The following PIGV variants were observed in gnomAD, a reference collection of about 807,000 sequenced individuals.
PIGV encodes GPI alpha-1,6-mannosyltransferase 2.
A neutral mutation model predicts 39.2 loss-of-function variants in PIGV; 27 were observed. The observed-to-expected ratio is 0.69, with a 90% CI of 0.51 to 0.95. The LOEUF is 0.95. Ranked by LOEUF, PIGV falls within the 40% of genes least tolerant of loss-of-function variation. PIGV has a pLI of 0.00. For missense variants in PIGV, 523 were observed against 586.4 expected (o/e 0.89, Z 1.12); for synonymous variants, 232 against 241.7 (o/e 0.96, Z 0.37).
chr1:26,792,541 C>A, intron 2 of PIGV, among the ~76,000 whole-genome samples: 1 of 152,110 alleles, frequency 6.6e-6, no homozygotes, highest in East Asian at 1.9e-4. Flanking sequence ...GCTGGCCAGG[C>A]TGGTCTCGAA....
At chr1:26,794,060 ATTCTT>A (rs1459548798) in intron 2 of PIGV, 48 bp from the exon 3 acceptor site, 1 of 1,537,274 alleles carries the variant, frequency 6.5e-7, no homozygotes, top group African/African-American at 1.4e-5. Context: ...TTAAATGGCA[ATTCTT>A]TTCTTCCAGT....
upstream of PIGV, chr1:26,787,621 G>A (rs1205238034): frequency 6.6e-6 from 1 of 152,316 alleles, no homozygotes; most frequent in African/African-American, 2.4e-5. Flanking sequence ...TTTCTGTGAA[G>A]AGGCTGCGGG....
chr1:26,791,098 G>A (rs749406032), intron 2 of PIGV, among the ~76,000 whole-genome samples: 11 of 152,246 alleles, frequency 7.2e-5, no homozygotes, highest in Non-Finnish European at 1.2e-4. Context: ...AAGCAGCAGA[G>A]GCCCAGAAAG....
intron 1 of PIGV, among the ~76,000 whole-genome samples, chr1:26,789,459 G>A (rs1426985791): frequency 6.6e-6 from 1 of 152,182 alleles, no homozygotes; most frequent in Non-Finnish European, 1.5e-5. Flanking sequence ...CATGAGATAT[G>A]ATGGGAAGAA....
chr1:26,791,279 G>A (rs1158728817), intron 2 of PIGV, among the ~76,000 whole-genome samples: 5 of 152,178 alleles, frequency 3.3e-5, no homozygotes, highest in Non-Finnish European at 5.9e-5. Context: ...CCCTTACTAG[G>A]AGACTGAGCA....
chr1:26,793,962 C>T, intron 2 of PIGV, 151 bp from the exon 3 acceptor site: 1 of 743,720 alleles, frequency 1.3e-6, no homozygotes, highest in South Asian at 1.5e-5. Context: ...CCAGGCTGGT[C>T]ATGGACTCCT....
At chr1:26,797,147 G>A (rs907168820) in intron 3 of PIGV, among the ~76,000 whole-genome samples, 1 of 152,202 alleles carries the variant, frequency 6.6e-6, no homozygotes, top group Non-Finnish European at 1.5e-5. Flanking sequence ...CAATAGGAGA[G>A]AGAATGTTCA....
intron 1 of PIGV, among the ~76,000 whole-genome samples, chr1:26,789,863 T>G (rs2081288468): frequency 6.6e-6 from 1 of 152,262 alleles, no homozygotes; most frequent in African/African-American, 2.4e-5. Flanking sequence ...CTGATGCTTT[T>G]GCTTTCCTTT....
chr1:26,795,579 C>T (rs1368567359), intron 3 of PIGV, among the ~76,000 whole-genome samples: 1 of 151,206 alleles, frequency 6.6e-6, no homozygotes, highest in Non-Finnish European at 1.5e-5. Flanking sequence ...GGCGTGGTGG[C>T]AGGCACCTGT....
chr1:26,792,213 C>T (rs1239564827), intron 2 of PIGV, among the ~76,000 whole-genome samples: 2 of 151,992 alleles, frequency 1.3e-5, no homozygotes, highest in South Asian at 2.1e-4. Flanking sequence ...AGTGCAAAGG[C>T]GCGATCTTGG....
intron 2 of PIGV, among the ~76,000 whole-genome samples, chr1:26,793,888 C>T (rs1349842734): frequency 2.6e-5 from 4 of 151,838 alleles, no homozygotes; most frequent in African/African-American, 7.3e-5. Flanking sequence ...GGATAACAGG[C>T]GTGAGCCACT....
chr1:26,788,424 G>A (rs2081266252), intron 1 of PIGV, 156 bp downstream of exon 1: 1 of 152,340 alleles, frequency 6.6e-6, no homozygotes. Context: ...CCTGCGCAGG[G>A]GGTGTTAGTC....
intron 3 of PIGV, among the ~76,000 whole-genome samples, chr1:26,796,773 T>G (rs1378690206): frequency 1.3e-5 from 2 of 152,192 alleles, no homozygotes; most frequent in Non-Finnish European, 2.9e-5. Context: ...TTCAGGAGGT[T>G]CTCAACTCAG....
chr1:26,798,784 TATAA>T lies in PIGV; in HGVS notation c.*943_*946del, dbSNP rs1265570621. On this transcript the variant is annotated 3_prime_UTR_variant, in exon 4 of 4. Transcript: ENST00000674202. ...AAATAATTTTAAAAAGTTAAAATAA[TATAA>T]ATCAGCTGGGGGAAAAAAGGGTAAG... 1.3e-4 allele frequency among the ~76,000 whole-genome samples: 20 copies of T among 152,126 alleles called. No individual in the cohort carries two copies. Among genetic ancestry groups the T allele is most frequent in the Non-Finnish European group, 2.6e-4 (18 of 68,020 alleles).
chr1:26,793,463 C>T (rs1570641279), intron 2 of PIGV, among the ~76,000 whole-genome samples: 1 of 152,238 alleles, frequency 6.6e-6, no homozygotes, highest in Non-Finnish European at 1.5e-5. Context: ...GAGTTGATCA[C>T]TCCTTTTCTT....
At position 26,795,030 on chromosome 1, in the gene PIGV, A is replaced by T; in HGVS notation, c.996A>T (p.Ala332=). The T allele has an allele frequency of 6.2e-7, 1 of 1,614,180 alleles. No individual in the cohort carries two copies. The highest frequency in any genetic ancestry group is 1.7e-5 in the Admixed American group (1 of 60,022). Residue 332 remains alanine (A), a synonymous_variant, in exon 3 of 4, where the codon GCA becomes GCT. Transcript: ENST00000674202. ...AGGTGCCCAATTTTCTACTGGCTGC[A>T]CCAGTGGCTATACTGGTTGCCTGGG... ...LKQVPNFLLA[A]PVAILVAWAT...
At chr1:26,789,560 T>C (rs1028771694) in intron 1 of PIGV, among the ~76,000 whole-genome samples, 30 of 152,326 alleles carry the variant, frequency 2.0e-4, no homozygotes, top group African/African-American at 7.2e-4. Flanking sequence ...AACACAGGTT[T>C]AAGATGCCTA....
chr1:26,795,878 A>C (rs1467158818), intron 3 of PIGV, among the ~76,000 whole-genome samples: 1 of 150,348 alleles, frequency 6.7e-6, no homozygotes, highest in African/African-American at 2.4e-5. Context: ...TTATTTTTTT[A>C]GATGGAGTCT....
chr1:26,788,193 C>T lies in PIGV; in HGVS notation c.-133C>T, dbSNP rs566115104. 1 of 152,436 alleles carries T rather than the reference C, an allele frequency of 6.6e-6. No individual in the cohort carries two copies. Among genetic ancestry groups the T allele is most frequent in the African/African-American group, 2.4e-5 (1 of 41,484 alleles). 9.4% of individuals were successfully genotyped at this position (152,436 alleles called of 1,614,324 possible). ...TTCCTTTCCAGCCTCCCGCCCTCGTCTGCTTCCGGCCCTGTGGCCTGGTGG... is the reference window on the plus strand; with the variant it reads ...TTCCTTTCCAGCCTCCCGCCCTCGTTTGCTTCCGGCCCTGTGGCCTGGTGG... On this transcript the variant is annotated 5_prime_UTR_variant, in exon 1 of 4. Coordinates refer to ENST00000674202, the MANE Select transcript of PIGV (RefSeq NM_017837.4).
Sources: allele counts gnomAD v4.1 joint callset (sites outside exome capture counted in the v4.1 genomes callset), GRCh38; gene constraint gnomAD v4.1.1; transcripts MANE v1.5; gene names NCBI Gene and HGNC (gene_info 2026-07-23, HGNC 2026-07-21).